Variants in CCDC152 observed in about 807,000 individuals in gnomAD.
CCDC152 encodes coiled-coil domain-containing protein 152.
CCDC152 carries 37 observed loss-of-function variants against 38.1 expected under a neutral mutation model. The observed-to-expected ratio is 0.97, with a 90% CI of 0.75 to 1.28. CCDC152 has a LOEUF of 1.28. Among genes scored for constraint, CCDC152 ranks in the 50% most tolerant of loss-of-function variants. CCDC152 has a pLI of 0.00. For synonymous variants in CCDC152, 83 were observed against 87.1 expected (o/e 0.95, Z 0.26); for missense variants, 259 against 292.1 (o/e 0.89, Z 0.83).
At chr5:42,764,394 AGGAGGAGGAG>A (rs1377720742) in intron 3 of CCDC152, among the ~76,000 whole-genome samples, 3 of 152,150 alleles carry the variant, frequency 2.0e-5, no homozygotes, top group Non-Finnish European at 4.4e-5. Flanking sequence ...AAAACAGAGG[AGGAGGAGGAG>A]GGAATACTTC....
intron 6 of CCDC152, among the ~76,000 whole-genome samples, chr5:42,796,148 G>A (rs1291563301): frequency 1.3e-5 from 2 of 151,682 alleles, no homozygotes; most frequent in East Asian, 1.9e-4. Context: ...GCTAAATGAC[G>A]AGTTAATGGG....
intron 1 of CCDC152, among the ~76,000 whole-genome samples, chr5:42,757,960 C>G (rs1037714560): frequency 1.3e-5 from 2 of 151,984 alleles, no homozygotes; most frequent in Admixed American, 6.6e-5. Flanking sequence ...AATAACAGTA[C>G]TATCAAACAG....
At chr5:42,798,818 G>A (rs778521237) in intron 7 of CCDC152, among the ~76,000 whole-genome samples, 1 of 152,126 alleles carries the variant, frequency 6.6e-6, no homozygotes, top group Non-Finnish European at 1.5e-5. Flanking sequence ...AATGGCCTAT[G>A]AGAACTTTTT....
intron 6 of CCDC152, among the ~76,000 whole-genome samples, chr5:42,787,988 T>C (rs1433407294): frequency 6.6e-6 from 1 of 152,158 alleles, no homozygotes; most frequent in Non-Finnish European, 1.5e-5. Flanking sequence ...CTTTAGAGTG[T>C]TGTTAGTGAG....
At chr5:42,797,804 G>A (rs1171020694) in intron 7 of CCDC152, among the ~76,000 whole-genome samples, 1 of 151,516 alleles carries the variant, frequency 6.6e-6, no homozygotes, top group Non-Finnish European at 1.5e-5. Context: ...TTTTTTTAAG[G>A]GACTTCTAAT....
At position 42,785,511 on chromosome 5, in the gene CCDC152, T is replaced by C. The variant is rs141652444; in HGVS notation, c.430+1935T>C. Reference sequence around the variant, plus strand: ...GGGGGAATCTTTAGGGTTTTCTAGGTGTAGAATCTTTTAGATGAATCTTTA... The same window carrying C: ...GGGGGAATCTTTAGGGTTTTCTAGGCGTAGAATCTTTTAGATGAATCTTTA... On this transcript the variant is annotated intron_variant, in intron 6 of 8. Transcript: ENST00000361970. Among the ~76,000 whole-genome samples the C allele has an allele frequency of 2.6e-5, 4 of 152,138 alleles. No individual in the cohort carries two copies. The East Asian group carries it at 7.7e-4, about 29-fold the overall frequency.
chr5:42,761,013 G>A (rs1250040324), intron 2 of CCDC152, among the ~76,000 whole-genome samples: 1 of 152,090 alleles, frequency 6.6e-6, no homozygotes, highest in African/African-American at 2.4e-5. Context: ...ACATATGGAT[G>A]GTAATATTAA....
At chr5:42,799,527 T>C (rs1760131043) in intron 8 of CCDC152, 69 bp downstream of exon 8, 5 of 1,204,628 alleles carry the variant, frequency 4.2e-6, no homozygotes, top group East Asian at 5.1e-5. Context: ...ATAAAAATCA[T>C]CTAATTCTTA....
At chr5:42,775,788 AT>A (rs1447046481) in intron 4 of CCDC152, among the ~76,000 whole-genome samples, 1 of 152,126 alleles carries the variant, frequency 6.6e-6, no homozygotes, top group Non-Finnish European at 1.5e-5. Flanking sequence ...GACATAAGGA[AT>A]GAGAGGAAGG....
chr5:42,771,300 C>T (rs946251184), intron 4 of CCDC152, among the ~76,000 whole-genome samples: 1 of 151,666 alleles, frequency 6.6e-6, no homozygotes, highest in African/African-American at 2.4e-5. Flanking sequence ...GCTGTAAAGC[C>T]TAAATTTAAA....
In CCDC152 at chr5:42,800,757, T is replaced by A. The variant is rs777978802; in HGVS notation, c.*976T>A. On this transcript the variant is annotated 3_prime_UTR_variant, in exon 9 of 9. Transcript: ENST00000361970. ...TCATTCTCACTTTTTTGCCTGATTC[T>A]TTCAGCGTCAACTGGCACTGGCTTC... 1.2e-6 allele frequency: 2 copies of A among 1,610,964 alleles called. No individual in the cohort carries two copies. The highest frequency in any genetic ancestry group is 1.3e-5 in the African/African-American group (1 of 74,862).
intron 6 of CCDC152, among the ~76,000 whole-genome samples, chr5:42,790,388 A>G (rs1017798629): frequency 1.6e-4 from 25 of 152,358 alleles, no homozygotes; most frequent in African/African-American, 6.0e-4. Context: ...CTTAAAAATT[A>G]TCAATGCCAT....
chr5:42,788,898 G>C lies in CCDC152; in HGVS notation c.430+5322G>C, dbSNP rs371528822. 1.3e-3 allele frequency among the ~76,000 whole-genome samples: 198 copies of C among 152,268 alleles called. 1 individual carries two copies. Among genetic ancestry groups the C allele is most frequent in the African/African-American group, 4.5e-3 (185 of 41,548 alleles). On this transcript the variant is annotated intron_variant, in intron 6 of 8. Transcript: ENST00000361970. The stretch of plus-strand genomic sequence containing the variant: ...ACTTGCCAAACTCAGAGCAGCTTGT[G>C]GGGTATATTTGCAGGGGATTTGGTG...
At chr5:42,758,684 G>A (rs925274121) in intron 1 of CCDC152, among the ~76,000 whole-genome samples, 21 of 152,176 alleles carry the variant, frequency 1.4e-4, no homozygotes, top group African/African-American at 5.1e-4. Context: ...CAATAGAAAT[G>A]CAGAGAGATT....
intron 5 of CCDC152, among the ~76,000 whole-genome samples, chr5:42,781,555 G>GCACA (rs767352552): frequency 7.4e-4 from 92 of 123,628 alleles, no homozygotes; most frequent in Admixed American, 3.1e-3. Context: ...GCGCGCGCGC[G>GCACA]CACACACACA....
chr5:42,761,342 C>T (rs1264438109), intron 2 of CCDC152, among the ~76,000 whole-genome samples: 5 of 152,126 alleles, frequency 3.3e-5, no homozygotes, highest in Admixed American at 6.5e-5. Flanking sequence ...AGGCCAGGTG[C>T]GGTAGCTCAC....
Position 42,799,890 on chromosome 5 carries a change from GGTT to G in CCDC152, c.*110_*112del. On this transcript the variant is annotated 3_prime_UTR_variant, in exon 9 of 9. Transcript: ENST00000361970. Reference sequence around the variant, plus strand: ...ACATAACAAACGAAGTCAGCTTTAAGGTTTTTATTGAATTTATTTGGACAAATC... The same window carrying G: ...ACATAACAAACGAAGTCAGCTTTAAGTTTATTGAATTTATTTGGACAAATC... 1 of 1,209,628 alleles carries G rather than the reference GGTT, an allele frequency of 8.3e-7. No individual in the cohort carries two copies. The allele number at this position is 1,209,628 out of a possible 1,614,324, so 74.9% of individuals were successfully genotyped here.
At chr5:42,779,569 A>G in intron 5 of CCDC152, 47 bp downstream of exon 5, 1 of 1,053,104 alleles carries the variant, frequency 9.5e-7, no homozygotes, top group Non-Finnish European at 1.4e-6. Context: ...GTGGAGATTT[A>G]TCTTTTCAAA....
intron 5 of CCDC152, 130 bp from the exon 6 acceptor site, chr5:42,783,344 A>G (rs1759873543): frequency 3.4e-6 from 1 of 289,924 alleles, no homozygotes; most frequent in Admixed American, 6.0e-5. Context: ...ACTTTTAAAA[A>G]AGTAACATAA....
Sources: gnomAD v4.1 joint callset for allele counts (sites outside exome capture counted in the v4.1 genomes callset) on GRCh38, gnomAD v4.1.1 for gene constraint, MANE v1.5 for transcripts, NCBI Gene and HGNC (gene_info 2026-07-23, HGNC 2026-07-21) for gene names.